Variants in ZCCHC7 observed in about 807,000 individuals in gnomAD.
ZCCHC7 encodes the protein zinc finger CCHC-type containing 7, also known as zinc finger CCHC domain-containing protein 7.
A neutral mutation model predicts 52.0 loss-of-function variants in ZCCHC7; 35 were observed. That is an observed-to-expected ratio of 0.67 (90% CI 0.51 to 0.89). The LOEUF is 0.89. Ranked by LOEUF, ZCCHC7 falls within the 40% of genes least tolerant of loss-of-function variation. The probability of loss-of-function intolerance (pLI) is 0.00; values close to 1 mark genes in which losing one functional copy is unlikely to be tolerated. For missense variants in ZCCHC7, 574 were observed against 649.1 expected, an observed-to-expected ratio of 0.88 and a Z score of 1.26; for synonymous variants, 217 against 221.5, an observed-to-expected ratio of 0.98 and a Z score of 0.18.
At position 37,155,355 on chromosome 9, in the gene ZCCHC7, C is replaced by CA. The variant is rs1278304468; in HGVS notation, c.610+28425dup. Among the ~76,000 whole-genome samples, 944 of 108,576 alleles carry CA rather than the reference C, an allele frequency of 8.7e-3. 4 individuals are homozygous for CA. The highest frequency in any genetic ancestry group is 0.027 in the Middle Eastern group (5 of 186). 71.2% of individuals were successfully genotyped at this position (108,576 alleles called of 152,430 possible). A position where few individuals can be genotyped will look rare whatever the true frequency, so the allele number is the denominator to read the frequency against. ...CTGGTGACAGAGCGAGACTCCGTCT[C>CA]AAAAAAAAAAAACGGCAATTAAGAT... On this transcript the variant is annotated intron_variant, in intron 2 of 8. Transcript: ENST00000336755.
chr9:37,170,211 A>C (rs1821655508), intron 2 of ZCCHC7, among the ~76,000 whole-genome samples: 2 of 152,220 alleles, frequency 1.3e-5, no homozygotes, highest in African/African-American at 4.8e-5. Context: ...TAAACAGAAT[A>C]TATGGATGTG....
At chr9:37,226,398 C>T (rs1169134957) in intron 2 of ZCCHC7, among the ~76,000 whole-genome samples, 2 of 151,838 alleles carry the variant, frequency 1.3e-5, no homozygotes, top group African/African-American at 4.8e-5. Flanking sequence ...GTCAAAATTC[C>T]AGCAGGCTTT....
chr9:37,186,748 T>C, intron 2 of ZCCHC7: 2 of 574,562 alleles, frequency 3.5e-6, no homozygotes, highest in Non-Finnish European at 6.6e-6. Flanking sequence ...ACAAGATGAA[T>C]TAAAGATGGA....
chr9:37,242,619 T>A (rs1204030977), intron 2 of ZCCHC7, among the ~76,000 whole-genome samples: 1 of 151,832 alleles, frequency 6.6e-6, no homozygotes, highest in Non-Finnish European at 1.5e-5. Flanking sequence ...TAGTACATAT[T>A]CCTGTATTAA....
intron 2 of ZCCHC7, among the ~76,000 whole-genome samples, chr9:37,187,560 T>TA (rs1315246284): frequency 6.6e-6 from 1 of 152,210 alleles, no homozygotes; most frequent in Non-Finnish European, 1.5e-5. Flanking sequence ...GTCTTGACAG[T>TA]ATCATGCACA....
intron 2 of ZCCHC7, among the ~76,000 whole-genome samples, chr9:37,246,914 C>T (rs1826102695): frequency 6.6e-6 from 1 of 152,102 alleles, no homozygotes; most frequent in Admixed American, 6.5e-5. Context: ...TATGTATTAC[C>T]TCACATACCT....
intron 2 of ZCCHC7, among the ~76,000 whole-genome samples, chr9:37,158,325 C>T (rs1820922354): frequency 6.6e-6 from 1 of 151,984 alleles, no homozygotes; most frequent in South Asian, 2.1e-4. Flanking sequence ...TTATATAGAC[C>T]CAAGGAAGTT....
In ZCCHC7 at chr9:37,278,034, G is replaced by T. The variant is rs28778971; in HGVS notation, c.611-24154G>T. On this transcript the variant is annotated intron_variant, in intron 2 of 8. Transcript: ENST00000336755. ...TTTGTTTGTGTGTGTGTGTGTGTGT[G>T]TGTTTTGTTTTGTTTTGTTTTGTTT... 5.6e-5 allele frequency among the ~76,000 whole-genome samples: 8 copies of T among 142,860 alleles called. No homozygotes were observed. In the South Asian group the frequency reaches 1.4e-3, roughly 25 times the overall value. 93.7% of individuals were successfully genotyped at this position (142,860 alleles called of 152,430 possible). A position where few individuals can be genotyped will look rare whatever the true frequency, so the allele number is the denominator to read the frequency against.
chr9:37,182,974 G>T (rs1262580324), intron 2 of ZCCHC7, among the ~76,000 whole-genome samples: 1 of 152,166 alleles, frequency 6.6e-6, no homozygotes, highest in Admixed American at 6.5e-5. Context: ...TTCAGCCTGG[G>T]CACCATAGTG....
chr9:37,297,375 T>G (rs1588630309), intron 2 of ZCCHC7, among the ~76,000 whole-genome samples: 1 of 152,196 alleles, frequency 6.6e-6, no homozygotes, highest in East Asian at 1.9e-4. Context: ...ATGAGAGAGA[T>G]TCAGTAAATA....
At chr9:37,307,548 C>T (rs781749054) in intron 5 of ZCCHC7, among the ~76,000 whole-genome samples, 18 of 152,014 alleles carry the variant, frequency 1.2e-4, no homozygotes, top group Admixed American at 7.2e-4. Flanking sequence ...AATAAAAGTA[C>T]TTTAATATGT....
chr9:37,126,179 A>T lies in ZCCHC7; in HGVS notation c.-21-133A>T, dbSNP rs1842529678. ...AGGACTTAGAAATCCTTGGAAAAAAAGGTATTTTAATATGTCTGAGAATAG... is the reference window on the plus strand; with the variant it reads ...AGGACTTAGAAATCCTTGGAAAAAATGGTATTTTAATATGTCTGAGAATAG... On this transcript the variant is annotated intron_variant, in intron 1 of 8. Transcript: ENST00000336755. 5 of 904,470 alleles carry T rather than the reference A, an allele frequency of 5.5e-6. No individual in the cohort carries two copies. In the Admixed American group the frequency reaches 8.1e-5, roughly 15 times the overall value. 56.0% of individuals were successfully genotyped at this position (904,470 alleles called of 1,614,324 possible).
At chr9:37,215,433 T>C (rs1488321405) in intron 2 of ZCCHC7, among the ~76,000 whole-genome samples, 2 of 152,214 alleles carry the variant, frequency 1.3e-5, no homozygotes, top group Non-Finnish European at 2.9e-5. Context: ...ATGCTATTTA[T>C]CTTTAAAGGA....
intron 5 of ZCCHC7, 196 bp from the exon 6 acceptor site, chr9:37,327,603 C>T (rs1245203419): frequency 6.3e-6 from 3 of 479,556 alleles, no homozygotes; most frequent in African/African-American, 3.9e-5. Flanking sequence ...CTGACAATGG[C>T]GGGGAGTGTG....
At chr9:37,187,040 A>G (rs887583930) in intron 2 of ZCCHC7, 6 of 192,438 alleles carry the variant, frequency 3.1e-5, no homozygotes, top group Non-Finnish European at 5.3e-5. Flanking sequence ...TAACAAATAC[A>G]TTGATATTTT....
At chr9:37,233,968 C>T (rs1339276199) in intron 2 of ZCCHC7, among the ~76,000 whole-genome samples, 3 of 152,164 alleles carry the variant, frequency 2.0e-5, no homozygotes, top group Non-Finnish European at 2.9e-5. Flanking sequence ...ATTCTCCTGC[C>T]GCAGCCTCCT....
chr9:37,151,020 A>C (rs1388395525), intron 2 of ZCCHC7, among the ~76,000 whole-genome samples: 1 of 146,014 alleles, frequency 6.8e-6, no homozygotes, highest in Non-Finnish European at 1.5e-5. Flanking sequence ...GCTGGAGTGC[A>C]GTGGAGCCAT....
intron 2 of ZCCHC7, among the ~76,000 whole-genome samples, chr9:37,195,573 A>G (rs1823249857): frequency 6.6e-6 from 1 of 152,130 alleles, no homozygotes; most frequent in African/African-American, 2.4e-5. Flanking sequence ...AAAGGAAACA[A>G]TTGCTTGTGA....
At chr9:37,212,849 C>G (rs534662391) in intron 2 of ZCCHC7, among the ~76,000 whole-genome samples, 10 of 152,218 alleles carry the variant, frequency 6.6e-5, no homozygotes, top group South Asian at 2.1e-4. Context: ...CCATGCTTGT[C>G]CAAAGAACAC....
Sources: allele counts gnomAD v4.1 joint callset (sites outside exome capture counted in the v4.1 genomes callset), GRCh38; gene constraint gnomAD v4.1.1; transcripts MANE v1.5; gene names NCBI Gene and HGNC (gene_info 2026-07-23, HGNC 2026-07-21).